C2CD2: variants seen among roughly 807,000 people sequenced by gnomAD.
C2CD2 encodes the protein C2 calcium dependent domain containing 2.
C2CD2 carries 43 observed loss-of-function variants against 74.3 expected under a neutral mutation model. That is an observed-to-expected ratio of 0.58 (90% CI 0.45 to 0.75). The LOEUF (loss-of-function observed/expected upper bound fraction) is 0.75, where lower values mean the gene tolerates loss of function less well. Among genes scored for constraint, C2CD2 ranks in the 30% least tolerant of loss-of-function variants. The pLI, the probability that C2CD2 is intolerant of heterozygous loss-of-function variation, is 0.00. For missense variants in C2CD2, 801 were observed against 916.3 expected (o/e 0.87, Z 1.63); for synonymous variants, 422 against 390.7 (o/e 1.08, Z -0.94).
Position 41,923,901 on chromosome 21 carries a change from A to G in C2CD2, c.379-1816T>C, listed in dbSNP as rs2065181740. On this transcript the variant is annotated intron_variant, in intron 2 of 13. Transcript: ENST00000380486. This position sits in a 1 kb window ranked among gnomAD's most constrained non-coding sequence, Gnocchi z 5.8. ...AGGTGCCAGGTGTGTACTGGCCAGGAGGAGGAGAGGGGAGGCCAGGGGCAC... is the reference window on the plus strand; with the variant it reads ...AGGTGCCAGGTGTGTACTGGCCAGGGGGAGGAGAGGGGAGGCCAGGGGCAC... 6.6e-6 allele frequency among the ~76,000 whole-genome samples: 1 copy of G among 151,982 alleles called. No individual in the cohort carries two copies. Among genetic ancestry groups the G allele is most frequent in the Admixed American group, 6.6e-5 (1 of 15,266 alleles).
rs749661710 is a variant in C2CD2, at chr21:41,907,025, C to T, written c.1285G>A (p.Val429Ile). ...AGCGGGGACGCCCTCCCCACGTCGA[C>T]GCGAGGCTTGGTCTTCACAGCAGTG... ...TVTAVKTKPR[V>I]DVGRASPLSS... The change falls in exon 10 of 14, where the codon GTC (valine) becomes ATC (isoleucine). Residue 429 changes from valine (V) to isoleucine (I), a missense_variant. Val to Ile is a conservative substitution (Grantham distance 29, BLOSUM62 3). Coordinates refer to ENST00000380486, the MANE Select transcript of C2CD2 (RefSeq NM_015500.2). 28 of 1,614,054 alleles carry T rather than the reference C, an allele frequency of 1.7e-5. No individual in the cohort carries two copies. The South Asian group carries it at 2.0e-4, about 11-fold the overall frequency.
chr21:41,922,810 A>G (rs2065169913), intron 2 of C2CD2, among the ~76,000 whole-genome samples: 1 of 152,198 alleles, frequency 6.6e-6, no homozygotes, highest in Non-Finnish European at 1.5e-5. Flanking sequence ...TGGACTTTAT[A>G]TGTTAGCAAG....
chr21:41,918,808 C>T (rs539960705), intron 4 of C2CD2, 48 bp downstream of exon 4: 6 of 1,408,344 alleles, frequency 4.3e-6, no homozygotes, highest in South Asian at 3.5e-5. Flanking sequence ...TCCTAACACA[C>T]GTGCGTTCTC....
chr21:41,938,270 C>A (rs62216677), intron 2 of C2CD2, among the ~76,000 whole-genome samples: 23,573 of 151,858 alleles, frequency 0.16, 2,337 homozygotes, highest in Non-Finnish European at 0.23. Context: ...GTCATTGACA[C>A]CTGGCAAGGA....
chr21:41,907,640 G>C lies in C2CD2; in HGVS notation c.1143+20C>G. 2 of 1,601,738 alleles carry C rather than the reference G, an allele frequency of 1.2e-6. No homozygotes were observed. Among genetic ancestry groups the C allele is most frequent in the Admixed American group, 3.5e-5 (2 of 57,226 alleles). On this transcript the variant is annotated intron_variant, in intron 9 of 13. Transcript: ENST00000380486. ...GTGCCCCAAGCCGGAACCCGGCCGC[G>C]GCGGACAGCCTCGCCCTACCTCTGC...
chr21:41,905,755 G>A lies in C2CD2; in HGVS notation c.1401C>T (p.Pro467=), dbSNP rs143536998. The change falls in exon 11 of 14, where the codon CCC becomes CCT. Residue 467 remains proline, a synonymous_variant. Transcript: ENST00000380486. ...SVQAIACRSA[P]VSKTLSSSDT... ...CTGAAGAAGAGAGTGTTTTGCTGAC[G>A]GGGGCGCTGCGGCAGGCGATGGCCT... is the stretch of plus-strand genomic sequence containing the variant. The A allele has an allele frequency of 9.1e-5, 147 of 1,609,440 alleles. No homozygotes were observed. In the African/African-American group the frequency reaches 1.4e-3, roughly 15 times the overall value.
chr21:41,938,450 C>A (rs372257491), intron 2 of C2CD2, among the ~76,000 whole-genome samples: 20 of 152,210 alleles, frequency 1.3e-4, no homozygotes, highest in Admixed American at 8.5e-4. Context: ...AGTTCAGTGG[C>A]ATTAAGTCCA....
chr21:41,894,410 A>G (rs1352457604), intron 13 of C2CD2, among the ~76,000 whole-genome samples: 1 of 152,218 alleles, frequency 6.6e-6, no homozygotes, highest in Non-Finnish European at 1.5e-5. Flanking sequence ...GGGGTCGCAC[A>G]CTAATGGGAC....
chr21:41,907,062 C>T lies in C2CD2; in HGVS notation c.1248G>A (p.Val416=), dbSNP rs752404802. Residue 416 remains valine, a synonymous_variant, in exon 10 of 14, where the codon GTG becomes GTA. Transcript: ENST00000380486. ...TCTTCACAGCAGTGACAGTAGTGAC[C>T]ACAGTCCCACAGGGCATCACCGTGC... ...KDRTVMPCGT[V]VTTVTAVKTK... 1 of 1,613,976 alleles carries T rather than the reference C, an allele frequency of 6.2e-7. No homozygotes were observed. Among genetic ancestry groups the T allele is most frequent in the Non-Finnish European group, 8.5e-7 (1 of 1,179,824 alleles).
Position 41,939,335 on chromosome 21 carries a change from A to C in C2CD2, c.378+2812T>G, listed in dbSNP as rs1158988595. ...CAATATGAAGTTTTTTTAAAGATGG[A>C]GTCTTGCTATTTCCACAGCCCCGCT... On this transcript the variant is annotated intron_variant, in intron 2 of 13. Coordinates refer to ENST00000380486, the MANE Select transcript of C2CD2 (RefSeq NM_015500.2). The surrounding 1 kb of genome is among the most constrained non-coding windows in gnomAD (Gnocchi z 5.5). 6.6e-6 allele frequency among the ~76,000 whole-genome samples: 1 copy of C among 152,122 alleles called. No individual in the cohort carries two copies. Among genetic ancestry groups the C allele is most frequent in the Admixed American group, 6.5e-5 (1 of 15,268 alleles).
chr21:41,930,297 T>C (rs894906592), intron 2 of C2CD2, among the ~76,000 whole-genome samples: 1 of 149,784 alleles, frequency 6.7e-6, no homozygotes, highest in Non-Finnish European at 1.5e-5. Context: ...GAGGCTATAA[T>C]TGCATTTCTG....
chr21:41,916,541 G>C (rs558701388), intron 5 of C2CD2, among the ~76,000 whole-genome samples: 2 of 152,026 alleles, frequency 1.3e-5, no homozygotes, highest in Admixed American at 6.6e-5. Context: ...TGTACGTCAC[G>C]GGCTCTTTTA....
chr21:41,909,419 T>C, intron 8 of C2CD2, 40 bp downstream of exon 8: 7 of 1,473,348 alleles, frequency 4.8e-6, no homozygotes, highest in Non-Finnish European at 6.7e-6. Context: ...GCGGAGGACC[T>C]TTCCAGAGGG....
chr21:41,901,305 G>A (rs540739893), intron 12 of C2CD2: 4 of 405,460 alleles, frequency 9.9e-6, no homozygotes, highest in Non-Finnish European at 1.8e-5. Context: ...GACGAGAGCA[G>A]AGGTTCTGTA....
At chr21:41,900,273 C>CA (rs1004170004) in intron 12 of C2CD2, among the ~76,000 whole-genome samples, 4 of 151,402 alleles carry the variant, frequency 2.6e-5, no homozygotes, top group East Asian at 1.9e-4. Context: ...GACTCCGTCT[C>CA]AAAAAAATAA....
chr21:41,942,297 T>C (rs1397012277), intron 1 of C2CD2, 52 bp from the exon 2 acceptor site: 6 of 1,339,020 alleles, frequency 4.5e-6, no homozygotes, highest in Admixed American at 4.2e-5. Flanking sequence ...GGCTGCATCT[T>C]TTAAATTACA....
chr21:41,914,232 A>G (rs1258737198), intron 6 of C2CD2, among the ~76,000 whole-genome samples: 1 of 152,042 alleles, frequency 6.6e-6, no homozygotes, highest in Admixed American at 6.5e-5. Context: ...ATCTCAAAAA[A>G]AAGAAAGCAG....
intron 2 of C2CD2, among the ~76,000 whole-genome samples, chr21:41,933,081 T>C (rs929834186): frequency 1.0e-4 from 15 of 150,358 alleles, no homozygotes; most frequent in Non-Finnish European, 4.5e-5. Context: ...GGCGGCCTTG[T>C]CCCTGTCTTG....
At chr21:41,893,489 C>T (rs564953776) in intron 13 of C2CD2, among the ~76,000 whole-genome samples, 46 of 152,152 alleles carry the variant, frequency 3.0e-4, no homozygotes, top group African/African-American at 1.0e-3. Context: ...AAGATTCGCA[C>T]GGCATGTTTG....
Sources: gnomAD v4.1 joint callset for allele counts (sites outside exome capture counted in the v4.1 genomes callset) on GRCh38, gnomAD v4.1.1 for gene constraint, Gnocchi (gnomAD v3.1) non-coding constraint, MANE v1.5 for transcripts, NCBI Gene and HGNC (gene_info 2026-07-23, HGNC 2026-07-21) for gene names.